The following IGF2 variants were observed in gnomAD, a reference collection of about 807,000 sequenced individuals.
The protein encoded by IGF2 is insulin-like growth factor 2.
A neutral mutation model predicts 12.0 loss-of-function variants in IGF2; 2 were observed. The ratio of observed to expected loss-of-function variants is 0.17; its 90% CI spans 0.07 to 0.52. IGF2 has a LOEUF of 0.52. Ranked by LOEUF, IGF2 falls within the 20% of genes least tolerant of loss-of-function variation. IGF2 has a pLI of 0.95. For synonymous variants in IGF2, 105 were observed against 110.1 expected (o/e 0.95, Z 0.29); for missense variants, 211 against 268.0 (o/e 0.79, Z 1.48).
chr11:2,140,639 T>G, upstream of IGF2: 4 of 500,316 alleles, frequency 8.0e-6, no homozygotes, highest in Non-Finnish European at 1.5e-5. Context: ...AATGAGATCT[T>G]TGCAATGAGC....
In IGF2 at chr11:2,132,106, A is replaced by G. The variant is rs897989646; in HGVS notation, c.*881T>C. 5 of 206,218 alleles carry G rather than the reference A, an allele frequency of 2.4e-5. No individual in the cohort carries two copies. Among genetic ancestry groups the G allele is most frequent in the Non-Finnish European group, 4.9e-5 (5 of 102,496 alleles). 12.8% of individuals were successfully genotyped at this position (206,218 alleles called of 1,614,324 possible). On this transcript the variant is annotated 3_prime_UTR_variant, in exon 4 of 4. Coordinates refer to ENST00000416167, the MANE Select transcript of IGF2 (RefSeq NM_000612.6). Reference sequence around the variant, plus strand: ...CGTGTGCTGTGTGTTGTGTGTGTGTAGCTGCGGGGATGCATAAAGTATGAG... The same window carrying G: ...CGTGTGCTGTGTGTTGTGTGTGTGTGGCTGCGGGGATGCATAAAGTATGAG...
At chr11:2,135,236 A>G in intron 2 of IGF2, 131 bp downstream of exon 2, 1 of 780,614 alleles carries the variant, frequency 1.3e-6, no homozygotes, top group Non-Finnish European at 2.0e-6. Flanking sequence ...CGCGGCGGGA[A>G]GGTCAAAGTC....
Position 2,132,658 on chromosome 11 carries a change from G to C in IGF2, c.*329C>G, listed in dbSNP as rs778189789. On this transcript the variant is annotated 3_prime_UTR_variant, in exon 4 of 4. Coordinates refer to ENST00000416167, the MANE Select transcript of IGF2 (RefSeq NM_000612.6). ...CAATTAGTTTTAAGAGGGTTGTTGTGGGGGGGGGGGAAGGGGGTTAGTTTA... is the reference window on the plus strand; with the variant it reads ...CAATTAGTTTTAAGAGGGTTGTTGTCGGGGGGGGGGAAGGGGGTTAGTTTA... 4 of 45,184 alleles carry C rather than the reference G, an allele frequency of 8.9e-5. No homozygotes were observed. The highest frequency in any genetic ancestry group is 1.6e-4 in the Non-Finnish European group (4 of 24,602). 2.8% of individuals were successfully genotyped at this position (45,184 alleles called of 1,614,324 possible).
chr11:2,147,770 C>T, the IGF2 span: 3 of 1,248,824 alleles, frequency 2.4e-6, no homozygotes, highest in Non-Finnish European at 2.0e-6. The surrounding 1 kb of genome is among the most constrained non-coding windows in gnomAD (Gnocchi z 7.2). Flanking sequence ...CTGGAATCCA[C>T]CTCCTCCCAC....
the IGF2 span, chr11:2,147,837 A>C: frequency 1.5e-5 from 18 of 1,235,800 alleles, no homozygotes; most frequent in Admixed American, 8.4e-5. The surrounding 1 kb of genome is among the most constrained non-coding windows in gnomAD (Gnocchi z 7.2). Context: ...TATTGCTGAG[A>C]TGACCTCTTT....
Position 2,132,975 on chromosome 11 carries a change from C to A in IGF2, c.*12G>T, listed in dbSNP as rs1428412176. 1 of 1,481,016 alleles carries A rather than the reference C, an allele frequency of 6.8e-7. No individual in the cohort carries two copies. The highest frequency in any genetic ancestry group is 2.5e-5 in the East Asian group (1 of 40,790). The allele number at this position is 1,481,016 out of a possible 1,614,324, so 91.7% of individuals were successfully genotyped here. A position where few individuals can be genotyped will look rare whatever the true frequency, so the allele number is the denominator to read the frequency against. ...ATGGTGGCGCCGGGCTGCAGACTTG[C>A]GGCAGTTTTGCTCACTTCCGATTGC... On this transcript the variant is annotated 3_prime_UTR_variant, in exon 4 of 4. Transcript: ENST00000416167.
rs1858712407 is a variant in IGF2 at position 2,132,945 on chromosome 11, G to C, written c.*42C>G. ...AAACGTCCGTGGTCAGGAGGAGGCT[G>C]CAGGATGGTGGCGCCGGGCTGCAGA... On this transcript the variant is annotated 3_prime_UTR_variant, in exon 4 of 4. Coordinates refer to ENST00000416167, the MANE Select transcript of IGF2 (RefSeq NM_000612.6). The C allele has an allele frequency of 7.5e-7, 1 of 1,326,924 alleles. No individual in the cohort carries two copies. The highest frequency in any genetic ancestry group is 1.4e-5 in the South Asian group (1 of 69,664). The allele number at this position is 1,326,924 out of a possible 1,614,324, so 82.2% of individuals were successfully genotyped here.
intron 1 of IGF2, chr11:2,137,397 T>G: frequency 5.5e-6 from 1 of 180,582 alleles, no homozygotes; most frequent in Non-Finnish European, 8.8e-6. Flanking sequence ...GCGCCTTTGC[T>G]CCCGCCCTCT....
rs989082484 is a variant in IGF2, at chr11:2,133,283, G to A, written c.307-60C>T. ...CTCTCCACGCTCTTCCGCCTGAGCC[G>A]CCCGCCTGACCTGACAGGCCACCCC... On this transcript the variant is annotated intron_variant, in intron 3 of 3. Coordinates refer to ENST00000416167, the MANE Select transcript of IGF2 (RefSeq NM_000612.6). The surrounding 1 kb of genome is among the most constrained non-coding windows in gnomAD (Gnocchi z 8.9). 37 of 1,262,244 alleles carry A rather than the reference G, an allele frequency of 2.9e-5. No individual in the cohort carries two copies. The highest frequency in any genetic ancestry group is 2.8e-4 in the South Asian group (19 of 67,308). The allele number at this position is 1,262,244 out of a possible 1,614,324, so 78.2% of individuals were successfully genotyped here. A position where few individuals can be genotyped will look rare whatever the true frequency, so the allele number is the denominator to read the frequency against.
chr11:2,140,433 C>CGCCCCCATG, upstream of IGF2: 1 of 783,552 alleles, frequency 1.3e-6, no homozygotes, highest in East Asian at 2.9e-5. Context: ...CGGAATCTCG[C>CGCCCCCATG]GCCCCCCTGG....
chr11:2,133,264 A>G lies in IGF2; in HGVS notation c.307-41T>C. The G allele has an allele frequency of 7.3e-7, 1 of 1,376,910 alleles. No homozygotes were observed. The highest frequency in any genetic ancestry group is 9.9e-7 in the Non-Finnish European group (1 of 1,009,776). 85.3% of individuals were successfully genotyped at this position (1,376,910 alleles called of 1,614,324 possible). A position where few individuals can be genotyped will look rare whatever the true frequency, so the allele number is the denominator to read the frequency against. On this transcript the variant is annotated intron_variant, in intron 3 of 3. Coordinates refer to ENST00000416167, the MANE Select transcript of IGF2 (RefSeq NM_000612.6). This position sits in a 1 kb window ranked among gnomAD's most constrained non-coding sequence, Gnocchi z 8.9. The stretch of plus-strand genomic sequence containing the variant: ...GCTGGTCAGCAGGTGCCTGCTCTCC[A>G]CGCTCTTCCGCCTGAGCCGCCCGCC...
Position 2,130,835 on chromosome 11 carries a change from G to A in IGF2, c.*2152C>T, listed in dbSNP as rs1564890455. On this transcript the variant is annotated 3_prime_UTR_variant, in exon 4 of 4. Coordinates refer to ENST00000416167, the MANE Select transcript of IGF2 (RefSeq NM_000612.6). ...CCCACACTCCCCGCATCAGTGCACGGCCCCCGAGGACTCCACATTTCTTGG... is the reference window on the plus strand; with the variant it reads ...CCCACACTCCCCGCATCAGTGCACGACCCCCGAGGACTCCACATTTCTTGG... The A allele has an allele frequency of 5.8e-6, 1 of 172,218 alleles. No homozygotes were observed. Among genetic ancestry groups the A allele is most frequent in the Non-Finnish European group, 1.2e-5 (1 of 83,164 alleles). The allele number at this position is 172,218 out of a possible 1,614,324, so 10.7% of individuals were successfully genotyped here.
intron 1 of IGF2, 127 bp downstream of exon 1, chr11:2,138,102 G>T: frequency 2.2e-6 from 1 of 452,712 alleles, no homozygotes; most frequent in Non-Finnish European, 2.9e-6. Context: ...CCTCCCCCCC[G>T]GGCTCAGCCG....
intron 1 of IGF2, among the ~76,000 whole-genome samples, chr11:2,136,529 C>T (rs1301365062): frequency 6.6e-6 from 1 of 152,250 alleles, no homozygotes; most frequent in African/African-American, 2.4e-5. Flanking sequence ...CGGGAGCCAC[C>T]ACAGCAAGTT....
chr11:2,136,041 CA>C (rs1472336984), intron 1 of IGF2, among the ~76,000 whole-genome samples: 4 of 152,256 alleles, frequency 2.6e-5, no homozygotes. Flanking sequence ...CCCAGCTGAG[CA>C]GGGGGGGTCC....
chr11:2,135,357 A>T lies in IGF2; in HGVS notation c.157+10T>A, dbSNP rs1236413488. 1 of 1,603,772 alleles carries T rather than the reference A, an allele frequency of 6.2e-7. No individual in the cohort carries two copies. Among genetic ancestry groups the T allele is most frequent in the Non-Finnish European group, 8.5e-7 (1 of 1,174,750 alleles). On this transcript the variant is annotated intron_variant, in intron 2 of 3. Transcript: ENST00000416167. The stretch of plus-strand genomic sequence containing the variant: ...GACCAGGTCTGAGGAAGCCCCTCCC[A>T]GCTACTTACTGAAGTAGAAGCCGCG...
upstream of IGF2, among the ~76,000 whole-genome samples, chr11:2,144,111 C>T (rs1470978422): frequency 6.6e-6 from 1 of 152,176 alleles, no homozygotes; most frequent in African/African-American, 2.4e-5. Flanking sequence ...TTTGCCTTCT[C>T]CACACGGAGA....
In IGF2 at chr11:2,133,013, G is replaced by T; in HGVS notation, c.517C>A (p.Pro173Thr). 6.4e-7 allele frequency: 1 copy of T among 1,550,802 alleles called. No individual in the cohort carries two copies. The highest frequency in any genetic ancestry group is 8.7e-7 in the Non-Finnish European group (1 of 1,148,502). Reference protein sequence around the residue: ...TQDPAHGGAPPEMASNRK With the variant: ...TQDPAHGGAPTEMASNRK The stretch of plus-strand genomic sequence containing the variant: ...CACTTCCGATTGCTGGCCATCTCTG[G>T]GGGGGCGCCCCCGTGGGCGGGGTCT... The change falls in exon 4 of 4, where the codon CCA becomes ACA. Residue 173 changes from proline to threonine, a missense_variant. Physicochemically the swap from Pro to Thr is conservative, Grantham distance 38 (BLOSUM62 -1). Coordinates refer to ENST00000416167, the MANE Select transcript of IGF2 (RefSeq NM_000612.6). This position sits in a 1 kb window ranked among gnomAD's most constrained non-coding sequence, Gnocchi z 8.9.
At chr11:2,134,786 G>A (rs1194065974) in intron 2 of IGF2, among the ~76,000 whole-genome samples, 3 of 152,148 alleles carry the variant, frequency 2.0e-5, no homozygotes, top group African/African-American at 7.2e-5. Context: ...AGAACCAAGA[G>A]AGAAACATGA....
Sources: gnomAD v4.1 joint callset for allele counts (sites outside exome capture counted in the v4.1 genomes callset) on GRCh38, gnomAD v4.1.1 for gene constraint, Gnocchi (gnomAD v3.1) non-coding constraint, MANE v1.5 for transcripts, NCBI Gene and HGNC (gene_info 2026-07-23, HGNC 2026-07-21) for gene names.